CEP128: variants seen among roughly 807,000 people sequenced by gnomAD.
The protein encoded by CEP128 is centrosomal protein 128kDa.
A neutral mutation model predicts 156.7 loss-of-function variants in CEP128; 132 were observed. That is an observed-to-expected ratio of 0.84 (90% CI 0.73 to 0.97). The LOEUF is 0.97. Ranked by LOEUF, CEP128 falls within the 50% of genes least tolerant of loss-of-function variation. The probability of loss-of-function intolerance (pLI) is 0.00; values close to 1 mark genes in which losing one functional copy is unlikely to be tolerated. For missense variants in CEP128, 1,252 were observed against 1,281.9 expected (o/e 0.98, Z 0.36); for synonymous variants, 469 against 448.9 (o/e 1.04, Z -0.57).
At chr14:80,848,844 C>T (rs1303838714) in intron 9 of CEP128, among the ~76,000 whole-genome samples, 1 of 151,862 alleles carries the variant, frequency 6.6e-6, no homozygotes, top group African/African-American at 2.4e-5. Flanking sequence ...ATCACTTGAA[C>T]CCAGGAGGTG....
At chr14:80,931,928 G>A (rs1885490286) in intron 2 of CEP128, among the ~76,000 whole-genome samples, 2 of 152,302 alleles carry the variant, frequency 1.3e-5, no homozygotes, top group South Asian at 2.1e-4. Context: ...GTCTGGCTGT[G>A]TCTCCACCCA....
rs563550947 is a variant in CEP128, at chr14:80,810,794, T to C, written c.1210-17684A>G. Among the ~76,000 whole-genome samples, 4 of 152,322 alleles carry C rather than the reference T, an allele frequency of 2.6e-5. No individual in the cohort carries two copies. In the South Asian group the frequency reaches 8.3e-4, roughly 32 times the overall value. ...TTTCTTTGATGAAAGAATTTCTATT[T>C]ATTTTAAGTTCTGAGATACATGTGT... On this transcript the variant is annotated intron_variant, in intron 13 of 24. Transcript: ENST00000555265.
At chr14:80,937,189 T>C (rs1415467962) in intron 2 of CEP128, among the ~76,000 whole-genome samples, 2 of 150,828 alleles carry the variant, frequency 1.3e-5, no homozygotes, top group Non-Finnish European at 3.0e-5. Flanking sequence ...GGTGTGGTAG[T>C]GCACACCTGT....
At chr14:80,930,318 T>G (rs990701308) in intron 2 of CEP128, among the ~76,000 whole-genome samples, 1 of 152,192 alleles carries the variant, frequency 6.6e-6, no homozygotes, top group Non-Finnish European at 1.5e-5. Context: ...GATCTGATAC[T>G]TCAGTCCGCA....
chr14:80,485,889 T>C (rs559103263), downstream of CEP128, among the ~76,000 whole-genome samples: 22 of 152,346 alleles, frequency 1.4e-4, no homozygotes, highest in East Asian at 3.9e-3. Context: ...TGTATATTCA[T>C]GTAGGCTGTT....
At chr14:80,873,291 G>T (rs957390369) in intron 8 of CEP128, among the ~76,000 whole-genome samples, 4 of 152,182 alleles carry the variant, frequency 2.6e-5, no homozygotes, top group Non-Finnish European at 4.4e-5. Flanking sequence ...ATAATTATGT[G>T]AAAGAGTTTG....
intron 16 of CEP128, among the ~76,000 whole-genome samples, chr14:80,767,593 T>C (rs530859578): frequency 3.0e-4 from 46 of 152,162 alleles, no homozygotes; most frequent in African/African-American, 1.1e-3. Context: ...AATTCCTAAC[T>C]CATTATAAAA....
chr14:80,757,716 AAGG>A (rs1899740348), intron 17 of CEP128, among the ~76,000 whole-genome samples: 1 of 152,190 alleles, frequency 6.6e-6, no homozygotes, highest in Admixed American at 6.5e-5. Context: ...CTCTCTCTAC[AAGG>A]AGAAGTCTAT....
downstream of CEP128, among the ~76,000 whole-genome samples, chr14:80,489,625 G>C (rs1887256091): frequency 6.6e-6 from 1 of 151,944 alleles, no homozygotes; most frequent in Non-Finnish European, 1.5e-5. Context: ...ATTGGTGCTA[G>C]CTTTCATTAA....
At chr14:80,737,829 G>A (rs547021200) in intron 19 of CEP128, among the ~76,000 whole-genome samples, 11 of 151,572 alleles carry the variant, frequency 7.3e-5, no homozygotes, top group East Asian at 2.0e-4. Context: ...GGTCAAGGCC[G>A]CAGTGAGCCA....
chr14:80,636,314 G>A (rs1218906003), intron 19 of CEP128, among the ~76,000 whole-genome samples: 1 of 152,088 alleles, frequency 6.6e-6, no homozygotes, highest in Non-Finnish European at 1.5e-5. Flanking sequence ...CATTCCCTGC[G>A]CTCACTCAAC....
At chr14:80,848,517 T>G (rs1595493178) in intron 9 of CEP128, among the ~76,000 whole-genome samples, 1 of 152,024 alleles carries the variant, frequency 6.6e-6, no homozygotes, top group South Asian at 2.1e-4. Flanking sequence ...AAAAATTAGC[T>G]GGGTGTCTTG....
chr14:80,799,442 C>T (rs61979428), intron 13 of CEP128, among the ~76,000 whole-genome samples: 3,098 of 152,158 alleles, frequency 0.02, 42 homozygotes, highest in Non-Finnish European at 0.032. Context: ...AATCAGTGCA[C>T]CTTGAAAAAG....
Position 80,929,718 on chromosome 14 carries a change from G to A in CEP128, c.-16+9667C>T, listed in dbSNP as rs572831217. Reference sequence around the variant, plus strand: ...GAGTGGACACTGGAGACTTGGAAGGGGGCAGTGTGAGAGGGGGTTGAGGGA... The same window carrying A: ...GAGTGGACACTGGAGACTTGGAAGGAGGCAGTGTGAGAGGGGGTTGAGGGA... On this transcript the variant is annotated intron_variant, in intron 2 of 24. Coordinates refer to ENST00000555265, the MANE Select transcript of CEP128 (RefSeq NM_152446.5). Among the ~76,000 whole-genome samples, 6 of 152,194 alleles carry A rather than the reference G, an allele frequency of 3.9e-5. No homozygotes were observed. In the South Asian group the frequency reaches 1.2e-3, roughly 32 times the overall value.
chr14:80,517,205 T>A (rs1432050495), intron 23 of CEP128, among the ~76,000 whole-genome samples: 1 of 152,092 alleles, frequency 6.6e-6, no homozygotes, highest in Non-Finnish European at 1.5e-5. Flanking sequence ...TTTTAGGTAA[T>A]TTATTTATTT....
intron 13 of CEP128, among the ~76,000 whole-genome samples, chr14:80,828,863 T>C (rs1382293077): frequency 2.0e-5 from 3 of 152,214 alleles, no homozygotes; most frequent in Non-Finnish European, 2.9e-5. Context: ...TTATTCATAT[T>C]TGGTCTCTGA....
At chr14:80,652,950 T>C (rs113322392) in intron 19 of CEP128, among the ~76,000 whole-genome samples, 8,888 of 152,166 alleles carry the variant, frequency 0.058, 779 homozygotes, top group African/African-American at 0.19. Context: ...TAATGCCCAT[T>C]AATGATAGAC....
At chr14:80,544,182 A>G (rs1889884943) in intron 21 of CEP128, among the ~76,000 whole-genome samples, 1 of 152,226 alleles carries the variant, frequency 6.6e-6, no homozygotes, top group Admixed American at 6.5e-5. Context: ...ATAGGTCAAT[A>G]GAGATAAACG....
intron 19 of CEP128, among the ~76,000 whole-genome samples, chr14:80,653,233 AG>A (rs1894985749): frequency 6.6e-6 from 1 of 152,160 alleles, no homozygotes; most frequent in African/African-American, 2.4e-5. Flanking sequence ...TACCTAATGT[AG>A]ATGACGGGTT....
Sources: allele counts gnomAD v4.1 joint callset (sites outside exome capture counted in the v4.1 genomes callset), GRCh38; gene constraint gnomAD v4.1.1; transcripts MANE v1.5; gene names NCBI Gene and HGNC (gene_info 2026-07-23, HGNC 2026-07-21).